Variants in TRPM3 observed in about 807,000 individuals in gnomAD.
The protein encoded by TRPM3 is transient receptor potential cation channel subfamily M member 3.
In TRPM3, 77 loss-of-function variants were observed where a neutral mutation model predicts 181.2. That is an observed-to-expected ratio of 0.42 (90% CI 0.35 to 0.51). TRPM3 has a LOEUF of 0.51. Ranked by LOEUF, TRPM3 falls within the 20% of genes least tolerant of loss-of-function variation. TRPM3 has a pLI of 0.01. For missense variants in TRPM3, 1,759 were observed against 2,196.7 expected (o/e 0.80, Z 3.98); for synonymous variants, 745 against 796.4 (o/e 0.94, Z 1.09).
At chr9:71,181,636 A>C (rs2134909618) in intron 1 of TRPM3, among the ~76,000 whole-genome samples, 1 of 152,268 alleles carries the variant, frequency 6.6e-6, no homozygotes, top group South Asian at 2.1e-4. Context: ...TATAATTATT[A>C]CATTCAACAG....
At chr9:71,046,379 A>T (rs794292) in intron 1 of TRPM3, among the ~76,000 whole-genome samples, 1 of 152,046 alleles carries the variant, frequency 6.6e-6, no homozygotes, top group Non-Finnish European at 1.5e-5. Context: ...ACATCGCATG[A>T]ATAACTCTTC....
intron 12 of TRPM3, among the ~76,000 whole-genome samples, chr9:70,634,987 A>C (rs184945561): frequency 1.2e-4 from 19 of 152,296 alleles, no homozygotes; most frequent in African/African-American, 4.3e-4. Context: ...CACCAAAAGC[A>C]TCTAAAAGCA....
Position 71,437,624 on chromosome 9 carries a change from T to C in TRPM3, c.183+9029A>G, listed in dbSNP as rs181916929. Among the ~76,000 whole-genome samples, 99 of 152,086 alleles carry C rather than the reference T, an allele frequency of 6.5e-4. 1 individual carries two copies. Among genetic ancestry groups the C allele is most frequent in the African/African-American group, 2.4e-3 (98 of 41,488 alleles). ...GGGGGCTCATGCCTGTCCTAGCAGTTTGGGAGGCTATGGTGGGCGGATCAC... is the reference window on the plus strand; with the variant it reads ...GGGGGCTCATGCCTGTCCTAGCAGTCTGGGAGGCTATGGTGGGCGGATCAC... On this transcript the variant is annotated intron_variant, in intron 1 of 24. Transcript: ENST00000357533.
chr9:71,216,897 T>C (rs1350800020), intron 1 of TRPM3, among the ~76,000 whole-genome samples: 1 of 150,896 alleles, frequency 6.6e-6, no homozygotes, highest in African/African-American at 2.4e-5. Context: ...CTGTAATTTG[T>C]ACAGCACAAG....
intron 1 of TRPM3, among the ~76,000 whole-genome samples, chr9:71,032,083 ATATATAATTATATAATATT>A (rs1565024845): frequency 5.7e-4 from 2 of 3,490 alleles, no homozygotes; most frequent in South Asian, 8.9e-3. Context: ...TATATTATAT[ATATATAATTATATAATATT>A]ATATATATTA....
At chr9:70,758,925 G>T (rs959141620) in intron 8 of TRPM3, among the ~76,000 whole-genome samples, 1 of 152,112 alleles carries the variant, frequency 6.6e-6, no homozygotes, top group Non-Finnish European at 1.5e-5. Context: ...GCATGGGCAA[G>T]GACTTCATGA....
rs968364045 is a variant in TRPM3 at position 71,121,440 on chromosome 9, C to G, written c.-86G>C. On this transcript the variant is annotated 5_prime_UTR_variant, in exon 1 of 26. Transcript: ENST00000677713. ...GACTAGTCAAGTAGCCTTGCCTGAG[C>G]CCCTGAACCTTCTTAAAACAGCCAC... 4.0e-6 allele frequency: 6 copies of G among 1,502,158 alleles called. No homozygotes were observed. Among genetic ancestry groups the G allele is most frequent in the Middle Eastern group, 2.5e-4 (1 of 4,060 alleles). 93.1% of individuals were successfully genotyped at this position (1,502,158 alleles called of 1,614,324 possible). A position where few individuals can be genotyped will look rare whatever the true frequency, so the allele number is the denominator to read the frequency against.
At chr9:71,297,927 C>T (rs1005930787) in intron 1 of TRPM3, among the ~76,000 whole-genome samples, 4 of 152,136 alleles carry the variant, frequency 2.6e-5, no homozygotes, top group African/African-American at 9.7e-5. Context: ...GTGAACGGCT[C>T]ATAGCTCAGC....
intron 1 of TRPM3, among the ~76,000 whole-genome samples, chr9:71,315,884 T>C (rs538811914): frequency 6.6e-6 from 1 of 152,272 alleles, no homozygotes; most frequent in East Asian, 1.9e-4. Context: ...TCAAAAACAT[T>C]TTTCTGAGAA....
At chr9:70,632,713 T>A (rs1326305324) in intron 12 of TRPM3, among the ~76,000 whole-genome samples, 1 of 64,106 alleles carries the variant, frequency 1.6e-5, no homozygotes, top group Admixed American at 2.1e-4. Context: ...ATTTGGATCA[T>A]ACTTAAAAGG....
At chr9:71,214,139 C>T (rs958152330) in intron 1 of TRPM3, among the ~76,000 whole-genome samples, 1 of 152,162 alleles carries the variant, frequency 6.6e-6, no homozygotes, top group Non-Finnish European at 1.5e-5. Context: ...AGAAAAATGC[C>T]TCCAACTCAT....
chr9:71,143,981 T>C (rs572614727), intron 1 of TRPM3, among the ~76,000 whole-genome samples: 1 of 152,182 alleles, frequency 6.6e-6, no homozygotes, highest in Non-Finnish European at 1.5e-5. Flanking sequence ...GCCACATATA[T>C]GTCTTCCCAT....
At chr9:70,537,817 C>T (rs2042177066) in intron 25 of TRPM3, among the ~76,000 whole-genome samples, 1 of 152,100 alleles carries the variant, frequency 6.6e-6, no homozygotes, top group South Asian at 2.1e-4. Context: ...CAGTTGTTGG[C>T]TTCTCAGGGT....
At chr9:70,738,746 C>G (rs541873058) in intron 8 of TRPM3, among the ~76,000 whole-genome samples, 2 of 151,988 alleles carry the variant, frequency 1.3e-5, no homozygotes, top group African/African-American at 4.8e-5. Context: ...TGAGATTAAC[C>G]AAGAACAGTG....
At chr9:71,265,410 T>C (rs1316168269) in intron 1 of TRPM3, among the ~76,000 whole-genome samples, 12 of 152,184 alleles carry the variant, frequency 7.9e-5, no homozygotes, top group Admixed American at 7.2e-4. Flanking sequence ...AACAATACAG[T>C]AATAAGACTG....
chr9:70,657,521 C>A (rs1187711705), intron 9 of TRPM3, among the ~76,000 whole-genome samples: 1 of 151,936 alleles, frequency 6.6e-6, no homozygotes, highest in East Asian at 1.9e-4. Flanking sequence ...TTTTCTTTTG[C>A]CTTTTGGTAA....
At position 71,132,420 on chromosome 9, in the gene TRPM3, A is replaced by G. The variant is rs182337071; in HGVS notation, c.184-267909T>C. Among the ~76,000 whole-genome samples the G allele has an allele frequency of 6.7e-3, 1,017 of 152,356 alleles. 14 individuals are homozygous for G. Among genetic ancestry groups the G allele is most frequent in the African/African-American group, 0.023 (944 of 41,580 alleles). On this transcript the variant is annotated intron_variant, in intron 1 of 24. Coordinates refer to the TRPM3 transcript ENST00000357533. Reference sequence around the variant, plus strand: ...AAAATTATGTATGAAATTTTAGAAAAGACAAAAGTGACAGAAAGCAGAGCA... The same window carrying G: ...AAAATTATGTATGAAATTTTAGAAAGGACAAAAGTGACAGAAAGCAGAGCA...
chr9:70,871,171 G>A (rs538357625), intron 1 of TRPM3, among the ~76,000 whole-genome samples: 4 of 152,048 alleles, frequency 2.6e-5, no homozygotes, highest in African/African-American at 9.6e-5. Context: ...GAGTGGGTGG[G>A]CAGGGAAACA....
chr9:70,973,880 A>G (rs1251053303), intron 1 of TRPM3, among the ~76,000 whole-genome samples: 1 of 152,230 alleles, frequency 6.6e-6, no homozygotes, highest in East Asian at 1.9e-4. Flanking sequence ...GCATGATACA[A>G]CTTCTTACCA....
Sources: gnomAD v4.1 joint callset for allele counts (sites outside exome capture counted in the v4.1 genomes callset) on GRCh38, gnomAD v4.1.1 for gene constraint, MANE v1.5 for transcripts, NCBI Gene and HGNC (gene_info 2026-07-23, HGNC 2026-07-21) for gene names.